The following PNPT1 variants were observed in gnomAD, a reference collection of about 807,000 sequenced individuals.
PNPT1 encodes polyribonucleotide nucleotidyltransferase 1, also known as polyribonucleotide nucleotidyltransferase 1, mitochondrial.
In PNPT1, 53 loss-of-function variants were observed where a neutral mutation model predicts 119.5. That is an observed-to-expected ratio of 0.44 (90% CI 0.36 to 0.56). PNPT1 has a LOEUF of 0.56. Among genes scored for constraint, PNPT1 ranks in the 20% least tolerant of loss-of-function variants. PNPT1 has a pLI of 0.00. For missense variants in PNPT1, 948 were observed against 938.5 expected (o/e 1.01, Z -0.13); for synonymous variants, 357 against 322.1 (o/e 1.11, Z -1.16).
chr2:55,690,639 T>C (rs1264460942), intron 1 of PNPT1, among the ~76,000 whole-genome samples: 1 of 152,254 alleles, frequency 6.6e-6, no homozygotes, highest in East Asian at 1.9e-4. Context: ...GTACATTTAA[T>C]ATATGTTAAT....
intron 13 of PNPT1, among the ~76,000 whole-genome samples, chr2:55,666,422 C>T (rs1696735416): frequency 6.6e-6 from 1 of 152,140 alleles, no homozygotes; most frequent in Non-Finnish European, 1.5e-5. Flanking sequence ...CCATGCCTGG[C>T]CTGTTCATTA....
Position 55,693,722 on chromosome 2 carries a change from T to C in PNPT1, c.102A>G (p.Gln34=), listed in dbSNP as rs1228911302. 2 of 1,614,206 alleles carry C rather than the reference T, an allele frequency of 1.2e-6. No individual in the cohort carries two copies. Among genetic ancestry groups the C allele is most frequent in the South Asian group, 2.2e-5 (2 of 91,092 alleles). ...CTGCGCTACTCCATAGTGCTCGCAC[T>C]TGCAACTGGGTGAGTGCCCGATCCC... ...PRRDRALTQL[Q]VRALWSSAGS... is the part of the protein sequence containing the mutation. Residue 34 remains glutamine (Q), a synonymous_variant, in exon 1 of 28, where the codon CAA becomes CAG. Coordinates refer to ENST00000447944, the MANE Select transcript of PNPT1 (RefSeq NM_033109.5).
At chr2:55,692,010 C>T (rs982403043) in intron 1 of PNPT1, among the ~76,000 whole-genome samples, 9 of 150,928 alleles carry the variant, frequency 6.0e-5, no homozygotes, top group Non-Finnish European at 1.2e-4. Context: ...CTCAGCCTCC[C>T]AGGTAAATGG....
intron 26 of PNPT1, among the ~76,000 whole-genome samples, chr2:55,639,384 C>A (rs1020852573): frequency 1.3e-5 from 2 of 152,202 alleles, no homozygotes. Flanking sequence ...GGTCCATAGA[C>A]ATTTACCAAA....
chr2:55,679,230 T>C (rs371121409), intron 8 of PNPT1, among the ~76,000 whole-genome samples: 2 of 152,160 alleles, frequency 1.3e-5, no homozygotes, highest in African/African-American at 4.8e-5. Flanking sequence ...CTAGTAGAAA[T>C]GGGTCACTTC....
At chr2:55,675,599 G>A (rs1697041136) in intron 8 of PNPT1, among the ~76,000 whole-genome samples, 1 of 152,110 alleles carries the variant, frequency 6.6e-6, no homozygotes. Flanking sequence ...TCAGGAGGCT[G>A]AGGACATAGG....
chr2:55,655,317 TACAG>T (rs1315802883), intron 17 of PNPT1, among the ~76,000 whole-genome samples: 1 of 152,190 alleles, frequency 6.6e-6, no homozygotes, highest in African/African-American at 2.4e-5. Context: ...GTATTTTTAG[TACAG>T]ACAGAGTTTC....
At chr2:55,692,046 CAGCTAATTTTGT>C (rs1013908464) in intron 1 of PNPT1, among the ~76,000 whole-genome samples, 3 of 151,670 alleles carry the variant, frequency 2.0e-5, no homozygotes, top group Admixed American at 6.6e-5. Flanking sequence ...CCACCACGCC[CAGCTAATTTTGT>C]ATTTTTAGTA....
At chr2:55,692,295 G>C (rs1183518454) in intron 1 of PNPT1, among the ~76,000 whole-genome samples, 1 of 152,042 alleles carries the variant, frequency 6.6e-6, no homozygotes, top group Non-Finnish European at 1.5e-5. Context: ...GCAGACCCTT[G>C]ATGGAATCCA....
At chr2:55,675,094 C>T in intron 8 of PNPT1, among the ~76,000 whole-genome samples, 1 of 151,556 alleles carries the variant, frequency 6.6e-6, no homozygotes, top group Non-Finnish European at 1.5e-5. Context: ...GGTCCTGTCC[C>T]TAAAAAGATA....
intron 11 of PNPT1, 106 bp from the exon 12 acceptor site, chr2:55,668,064 G>C: frequency 1.0e-6 from 1 of 978,312 alleles, no homozygotes; most frequent in Non-Finnish European, 1.5e-6. Flanking sequence ...ATCAACCAAG[G>C]GAGATGACTC....
At chr2:55,690,348 CAGAGAA>C (rs10599482) in intron 1 of PNPT1, among the ~76,000 whole-genome samples, 141,621 of 151,816 alleles carry the variant, frequency 0.93, 66,628 homozygotes, top group African/African-American at 0.98. Context: ...CCTGAAGATA[CAGAGAA>C]AGAGAAAGAT....
chr2:55,687,523 T>C (rs1697451301), intron 2 of PNPT1, 122 bp downstream of exon 2: 1 of 689,902 alleles, frequency 1.4e-6, no homozygotes, highest in African/African-American at 1.8e-5. Context: ...ATTATCTTAG[T>C]AGTATCTGAA....
chr2:55,677,596 CAAAAAAAAA>C (rs70954146), intron 8 of PNPT1, among the ~76,000 whole-genome samples: 1 of 33,502 alleles, frequency 3.0e-5, no homozygotes, highest in Admixed American at 4.4e-4. Context: ...GACTATGTCT[CAAAAAAAAA>C]AAAAAAAAAA....
In PNPT1 at chr2:55,635,927, C is replaced by T. The variant is rs528396782; in HGVS notation, c.*310G>A. The stretch of plus-strand genomic sequence containing the variant: ...AGAGATCTGTTATAATAACATATGA[C>T]ATATTCTATCTAAGTTTTTCATATA... On this transcript the variant is annotated 3_prime_UTR_variant, in exon 28 of 28. Coordinates refer to ENST00000447944, the MANE Select transcript of PNPT1 (RefSeq NM_033109.5). The T allele has an allele frequency of 5.1e-4, 76 of 150,104 alleles. No homozygotes were observed. Among genetic ancestry groups the T allele is most frequent in the African/African-American group, 1.9e-3 (72 of 38,530 alleles). 9.3% of individuals were successfully genotyped at this position (150,104 alleles called of 1,614,324 possible). A position where few individuals can be genotyped will look rare whatever the true frequency, so the allele number is the denominator to read the frequency against.
At chr2:55,688,764 AAC>A (rs1378395646) in intron 1 of PNPT1, among the ~76,000 whole-genome samples, 28 of 150,876 alleles carry the variant, frequency 1.9e-4, no homozygotes, top group African/African-American at 4.6e-4. Flanking sequence ...CAACAACAAC[AAC>A]AAAAAACTTT....
chr2:55,653,544 T>A lies in PNPT1; in HGVS notation c.1495+1356A>T, dbSNP rs181578740. 7.2e-5 allele frequency among the ~76,000 whole-genome samples: 11 copies of A among 152,364 alleles called. No individual in the cohort carries two copies. In the East Asian group the frequency reaches 2.1e-3, roughly 29 times the overall value. On this transcript the variant is annotated intron_variant, in intron 18 of 27. Transcript: ENST00000447944. Reference sequence around the variant, plus strand: ...ACAAGTGCCATGAAGTCTAAGACTGTTTTGTTCATCACCATGTCCTAACAA... The same window carrying A: ...ACAAGTGCCATGAAGTCTAAGACTGATTTGTTCATCACCATGTCCTAACAA...
At chr2:55,693,284 C>CCCAGCTTCCAGGGTCCGGG (rs1697680689) in intron 1 of PNPT1, among the ~76,000 whole-genome samples, 1 of 152,200 alleles carries the variant, frequency 6.6e-6, no homozygotes, top group Non-Finnish European at 1.5e-5. Flanking sequence ...GCATCAGAGC[C>CCCAGCTTCCAGGGTCCGGG]CCAGCTTCCA....
intron 25 of PNPT1, among the ~76,000 whole-genome samples, chr2:55,641,602 C>T (rs938739304): frequency 6.6e-5 from 10 of 152,086 alleles, no homozygotes; most frequent in Non-Finnish European, 1.2e-4. Flanking sequence ...AAATGGAATA[C>T]TTATTTCATT....
Sources: gnomAD v4.1 joint callset for allele counts (sites outside exome capture counted in the v4.1 genomes callset) on GRCh38, gnomAD v4.1.1 for gene constraint, MANE v1.5 for transcripts, NCBI Gene and HGNC (gene_info 2026-07-23, HGNC 2026-07-21) for gene names.